The following MAP4K3 variants were observed in gnomAD, a reference collection of about 807,000 sequenced individuals.
MAP4K3 encodes mitogen-activated protein kinase kinase kinase kinase 3, also known as MAPK/ERK kinase kinase kinase 3.
MAP4K3 carries 94 observed loss-of-function variants against 143.5 expected under a neutral mutation model. That is an observed-to-expected ratio of 0.65 (90% CI 0.55 to 0.78). The LOEUF (loss-of-function observed/expected upper bound fraction) is 0.78, where lower values mean the gene tolerates loss of function less well. MAP4K3 is among the 30% of genes least tolerant of loss of function. The pLI is 0.00. For synonymous variants in MAP4K3, 416 were observed against 347.2 expected, an observed-to-expected ratio of 1.20 and a Z score of -2.20; for missense variants, 1,077 against 1,068.1, an observed-to-expected ratio of 1.01 and a Z score of -0.12.
chr2:39,319,408 G>A (rs1683227997), intron 12 of MAP4K3, among the ~76,000 whole-genome samples: 1 of 152,052 alleles, frequency 6.6e-6, no homozygotes, highest in African/African-American at 2.4e-5. Context: ...CAGATTACTT[G>A]GGGATACAAA....
chr2:39,295,104 T>C lies in MAP4K3; in HGVS notation c.1179-1836A>G, dbSNP rs186751949. ...ATTATTTTGTCTCATAAAAAATAGC[T>C]ATTTTTTTCATAAAAAAATGTTATT... is the stretch of plus-strand genomic sequence containing the variant. On this transcript the variant is annotated intron_variant, in intron 16 of 33. Coordinates refer to ENST00000263881, the MANE Select transcript of MAP4K3 (RefSeq NM_003618.4). Among the ~76,000 whole-genome samples, 619 of 152,070 alleles carry C rather than the reference T, an allele frequency of 4.1e-3. 4 individuals are homozygous for C. The highest frequency in any genetic ancestry group is 0.015 in the African/African-American group (605 of 41,538).
intron 15 of MAP4K3, among the ~76,000 whole-genome samples, chr2:39,304,392 T>C (rs1157613648): frequency 1.3e-5 from 2 of 152,228 alleles, no homozygotes; most frequent in Non-Finnish European, 2.9e-5. Context: ...CCAGACATTC[T>C]GGATTCCTCA....
At chr2:39,297,715 C>A (rs972241978) in intron 16 of MAP4K3, among the ~76,000 whole-genome samples, 1 of 152,154 alleles carries the variant, frequency 6.6e-6, no homozygotes, top group Non-Finnish European at 1.5e-5. Flanking sequence ...GCAGACATAT[C>A]AATACAGCAA....
At chr2:39,327,402 C>T (rs1293065818) in intron 8 of MAP4K3, among the ~76,000 whole-genome samples, 1 of 152,106 alleles carries the variant, frequency 6.6e-6, no homozygotes, top group Non-Finnish European at 1.5e-5. Flanking sequence ...TTTCTCTTTA[C>T]TTTGCTACAG....
chr2:39,253,461 G>A (rs1042337834), intron 32 of MAP4K3, among the ~76,000 whole-genome samples: 9 of 152,072 alleles, frequency 5.9e-5, no homozygotes, highest in Admixed American at 2.6e-4. Flanking sequence ...CTTACTATAG[G>A]TCAGGAACCA....
At chr2:39,395,320 C>A (rs986392302) in intron 1 of MAP4K3, among the ~76,000 whole-genome samples, 1 of 80,658 alleles carries the variant, frequency 1.2e-5, no homozygotes, top group African/African-American at 5.0e-5. Context: ...CCTACATGCA[C>A]GTACACATAC....
intron 1 of MAP4K3, among the ~76,000 whole-genome samples, chr2:39,430,429 G>A (rs1280948322): frequency 6.6e-6 from 1 of 151,956 alleles, no homozygotes; most frequent in Non-Finnish European, 1.5e-5. Flanking sequence ...TTAGAACTCA[G>A]AAATGTGGCA....
At chr2:39,429,514 G>C (rs1665216771) in intron 1 of MAP4K3, among the ~76,000 whole-genome samples, 1 of 152,156 alleles carries the variant, frequency 6.6e-6, no homozygotes, top group Admixed American at 6.5e-5. Context: ...CTAAAGCTTA[G>C]TTAACTGTAT....
chr2:39,274,633 A>C (rs2148457994), intron 24 of MAP4K3, among the ~76,000 whole-genome samples: 1 of 152,332 alleles, frequency 6.6e-6, no homozygotes, highest in African/African-American at 2.4e-5. Context: ...ATAAATAAGA[A>C]TATAACAGTT....
At chr2:39,318,875 G>C (rs1293766964) in intron 12 of MAP4K3, among the ~76,000 whole-genome samples, 1 of 152,058 alleles carries the variant, frequency 6.6e-6, no homozygotes, top group Non-Finnish European at 1.5e-5. Context: ...AGTTTGTACG[G>C]GAAGGAAAGA....
chr2:39,299,861 T>A, intron 15 of MAP4K3, 60 bp from the exon 16 acceptor site: 1 of 675,994 alleles, frequency 1.5e-6, no homozygotes, highest in Non-Finnish European at 2.4e-6. Flanking sequence ...CATGATACAT[T>A]AATATATATA....
At chr2:39,373,368 A>G (rs1377527544) in intron 2 of MAP4K3, among the ~76,000 whole-genome samples, 1 of 152,204 alleles carries the variant, frequency 6.6e-6, no homozygotes, top group Non-Finnish European at 1.5e-5. Flanking sequence ...TACTATGGAG[A>G]ACAGTTTGGA....
At chr2:39,399,594 T>C (rs2148605796) in intron 1 of MAP4K3, among the ~76,000 whole-genome samples, 1 of 152,308 alleles carries the variant, frequency 6.6e-6, no homozygotes, top group South Asian at 2.1e-4. Context: ...TTTTCAAGTA[T>C]TTTAGGAACT....
At chr2:39,400,594 C>T (rs1418510995) in intron 1 of MAP4K3, among the ~76,000 whole-genome samples, 1 of 151,636 alleles carries the variant, frequency 6.6e-6, no homozygotes, top group African/African-American at 2.4e-5. Flanking sequence ...GTTTACTCTG[C>T]TCTTTTTTTA....
At chr2:39,366,338 T>C (rs1188406261) in intron 2 of MAP4K3, among the ~76,000 whole-genome samples, 2 of 152,120 alleles carry the variant, frequency 1.3e-5, no homozygotes, top group East Asian at 1.9e-4. Flanking sequence ...TGATTGGCAA[T>C]TGGTTTAGAG....
rs113579069 is a variant in MAP4K3 at position 39,391,770 on chromosome 2, G to T, written c.97-13647C>A. 1.3e-3 allele frequency among the ~76,000 whole-genome samples: 200 copies of T among 152,240 alleles called. 3 individuals are homozygous for T. The highest frequency in any genetic ancestry group is 4.7e-3 in the African/African-American group (194 of 41,534). ...CATTGATTTCTAACATTTTCGTGGT[G>T]TAAACACTCCCACCAAGGCAGATCA... On this transcript the variant is annotated intron_variant, in intron 1 of 33. Coordinates refer to ENST00000263881, the MANE Select transcript of MAP4K3 (RefSeq NM_003618.4).
At position 39,254,442 on chromosome 2, in the gene MAP4K3, T is replaced by C; in HGVS notation, c.2541+8A>G. 1 of 1,610,576 alleles carries C rather than the reference T, an allele frequency of 6.2e-7. No homozygotes were observed. The highest frequency in any genetic ancestry group is 8.5e-7 in the Non-Finnish European group (1 of 1,176,980). ...CTTGTGACTACTTAATGGACATAAT[T>C]TACTTACCTCATTAGATCTAAAACT... On this transcript the variant is annotated splice_region_variant and intron_variant, in intron 32 of 33. Transcript: ENST00000263881.
intron 1 of MAP4K3, among the ~76,000 whole-genome samples, chr2:39,398,288 T>C (rs975724467): frequency 6.6e-6 from 1 of 151,266 alleles, no homozygotes; most frequent in Admixed American, 6.6e-5. Context: ...ACGAATACTA[T>C]ATAGTAAAAA....
At chr2:39,401,063 A>C (rs1230662104) in intron 1 of MAP4K3, among the ~76,000 whole-genome samples, 1 of 152,174 alleles carries the variant, frequency 6.6e-6, no homozygotes, top group Non-Finnish European at 1.5e-5. Context: ...TTCTAGAGAC[A>C]GTTTCCAGGC....
Sources: allele counts gnomAD v4.1 joint callset (sites outside exome capture counted in the v4.1 genomes callset), GRCh38; gene constraint gnomAD v4.1.1; transcripts MANE v1.5; gene names NCBI Gene and HGNC (gene_info 2026-07-23, HGNC 2026-07-21).